Variants in RMST observed in about 807,000 individuals in gnomAD.
The protein encoded by RMST is rhabdomyosarcoma 2 associated transcript, also known as long intergenic non-protein coding RNA 54.
At chr12:97,489,386 G>T (rs1271964425) in intron 5 of RMST, among the ~76,000 whole-genome samples, 2 of 151,908 alleles carry the variant, frequency 1.3e-5, no homozygotes, top group African/African-American at 2.4e-5. Flanking sequence ...GATTAAGGCT[G>T]CAGTGAGCTG....
At chr12:97,558,682 A>G (rs549981004) in intron 11 of RMST, among the ~76,000 whole-genome samples, 1 of 152,268 alleles carries the variant, frequency 6.6e-6, no homozygotes, top group African/African-American at 2.4e-5. Flanking sequence ...TGTTAGCTCA[A>G]TGGAGATATT....
At chr12:97,531,105 C>G (rs1881584466) in intron 11 of RMST, among the ~76,000 whole-genome samples, 1 of 150,464 alleles carries the variant, frequency 6.6e-6, no homozygotes, top group African/African-American at 2.4e-5. Context: ...TCTGTTGAGT[C>G]TAACTAATCT....
chr12:97,547,119 A>G (rs1882996972), intron 11 of RMST, among the ~76,000 whole-genome samples: 1 of 151,202 alleles, frequency 6.6e-6, no homozygotes, highest in African/African-American at 2.4e-5. Context: ...GAAAGATTGA[A>G]CTGGAGGTCA....
At chr12:97,543,961 C>G (rs1194530437) in intron 11 of RMST, among the ~76,000 whole-genome samples, 1 of 151,986 alleles carries the variant, frequency 6.6e-6, no homozygotes, top group Non-Finnish European at 1.5e-5. Flanking sequence ...CCCAGTGGTG[C>G]AAAGATAATT....
chr12:97,478,052 T>C (rs1874776240), intron 5 of RMST, among the ~76,000 whole-genome samples: 1 of 152,238 alleles, frequency 6.6e-6, no homozygotes, highest in Non-Finnish European at 1.5e-5. Context: ...ATTGTCTTTC[T>C]GTCTTTGCTT....
intron 5 of RMST, among the ~76,000 whole-genome samples, chr12:97,487,846 C>G (rs1232239025): frequency 6.6e-6 from 1 of 152,234 alleles, no homozygotes. Flanking sequence ...GTTGAGGTTG[C>G]TGACGTCTCT....
chr12:97,465,158 G>T (rs558469581), intron 4 of RMST: 1 of 152,226 alleles, frequency 6.6e-6, no homozygotes, highest in African/African-American at 2.4e-5. Flanking sequence ...TTCTGCTGGG[G>T]GAGTAAGAAG....
intron 10 of RMST, among the ~76,000 whole-genome samples, chr12:97,528,375 C>T (rs1881319200): frequency 6.6e-6 from 1 of 151,910 alleles, no homozygotes; most frequent in East Asian, 1.9e-4. Context: ...TCTTGATTTC[C>T]TTCTTTGGAG....
chr12:97,490,692 A>G (rs530269400), intron 5 of RMST, among the ~76,000 whole-genome samples: 88 of 152,324 alleles, frequency 5.8e-4, no homozygotes, highest in Non-Finnish European at 7.6e-4. Flanking sequence ...GAAAAAGAAG[A>G]TACAAAATTC....
chr12:97,480,089 C>CTTTTTTTTTT (rs369247317), intron 5 of RMST, among the ~76,000 whole-genome samples: 2 of 90,964 alleles, frequency 2.2e-5, no homozygotes, highest in African/African-American at 7.6e-5. Context: ...TTTCTTTTTT[C>CTTTTTTTTTT]TTTTTTTTTC....
At chr12:97,530,181 T>C (rs1303697197) in intron 10 of RMST, among the ~76,000 whole-genome samples, 1 of 152,048 alleles carries the variant, frequency 6.6e-6, no homozygotes, top group African/African-American at 2.4e-5. Context: ...AAGAAAATAT[T>C]AATACAAGGG....
chr12:97,484,431 A>T (rs189911772), intron 5 of RMST, among the ~76,000 whole-genome samples: 1 of 152,310 alleles, frequency 6.6e-6, no homozygotes, highest in Non-Finnish European at 1.5e-5. Context: ...AATAATTGCT[A>T]CATGCTTTTA....
In RMST at chr12:97,497,934, C is replaced by T. The variant is rs1443022726; in HGVS notation, n.1340+1878C>T. 2.0e-5 allele frequency among the ~76,000 whole-genome samples: 3 copies of T among 152,062 alleles called. No homozygotes were observed. The East Asian group carries it at 5.8e-4, about 29-fold the overall frequency. Reference sequence around the variant, plus strand: ...TCTAATGTGACGTAAAGTTAATAGACCCCTTGAACAGATTCATCTTGAAAT... The same window carrying T: ...TCTAATGTGACGTAAAGTTAATAGATCCCTTGAACAGATTCATCTTGAAAT... On this transcript the variant is annotated intron_variant and non_coding_transcript_variant, in intron 10 of 13. Transcript: ENST00000640149.
At chr12:97,536,293 C>G (rs879764091) in intron 11 of RMST, among the ~76,000 whole-genome samples, 2 of 147,146 alleles carry the variant, frequency 1.4e-5, no homozygotes, top group Admixed American at 6.7e-5. Context: ...GAGGAAAAAA[C>G]ATGCAAAATA....
intron 10 of RMST, chr12:97,530,620 T>C (rs897754870): frequency 3.3e-5 from 5 of 152,240 alleles, no homozygotes; most frequent in Admixed American, 6.5e-5. Context: ...CTGGTTGCAA[T>C]GATTAGATGT....
At chr12:97,482,358 C>T (rs575849151) in intron 5 of RMST, among the ~76,000 whole-genome samples, 1 of 152,230 alleles carries the variant, frequency 6.6e-6, no homozygotes, top group Non-Finnish European at 1.5e-5. Context: ...TCCAGTAAAA[C>T]TTTATTGACA....
intron 10 of RMST, among the ~76,000 whole-genome samples, chr12:97,518,471 C>T (rs917742222): frequency 6.6e-6 from 1 of 152,164 alleles, no homozygotes; most frequent in Non-Finnish European, 1.5e-5. Context: ...TTTCTCACTG[C>T]CTCATAGAGA....
intron 11 of RMST, among the ~76,000 whole-genome samples, chr12:97,545,061 G>A (rs1317919092): frequency 6.6e-6 from 1 of 152,038 alleles, no homozygotes; most frequent in Non-Finnish European, 1.5e-5. Flanking sequence ...ATGTGCCCAT[G>A]GTTTTTCCCA....
At chr12:97,492,099 G>A (rs1457208169) in intron 5 of RMST, 1 of 411,348 alleles carries the variant, frequency 2.4e-6, no homozygotes, top group Non-Finnish European at 5.3e-6. Flanking sequence ...TGAAACAAGA[G>A]CTTAAATTGA....
Sources: gnomAD v4.1 joint callset for allele counts (sites outside exome capture counted in the v4.1 genomes callset) on GRCh38, gnomAD v4.1.1 for gene constraint, MANE v1.5 for transcripts, NCBI Gene and HGNC (gene_info 2026-07-23, HGNC 2026-07-21) for gene names.